QTMAN: variants seen among roughly 807,000 people sequenced by gnomAD.
QTMAN encodes tRNA-queuosine alpha-mannosyltransferase.
At chr2:144,003,522 C>G in the QTMAN span, among the ~76,000 whole-genome samples, 2 of 151,134 alleles carry the variant, frequency 1.3e-5, no homozygotes, top group Non-Finnish European at 2.9e-5. Flanking sequence ...ATGTTTATAA[C>G]AAAACATTAA....
chr2:144,043,227 T>TTGTG, the QTMAN span, among the ~76,000 whole-genome samples: 6,156 of 148,650 alleles, frequency 0.041, 175 homozygotes, highest in East Asian at 0.088. Context: ...ATGTGTGAAT[T>TTGTG]TGTGTGTGTG....
the QTMAN span, among the ~76,000 whole-genome samples, chr2:144,133,434 T>C: frequency 5.4e-5 from 3 of 55,916 alleles, no homozygotes; most frequent in Non-Finnish European, 8.2e-5. Flanking sequence ...ATATAATATA[T>C]AATATATAAT....
the QTMAN span, among the ~76,000 whole-genome samples, chr2:144,203,160 TG>T: frequency 7.2e-6 from 1 of 138,742 alleles, no homozygotes; most frequent in Non-Finnish European, 1.5e-5. Context: ...AGTGTGTGTG[TG>T]TGTGTGTGTG....
the QTMAN span, among the ~76,000 whole-genome samples, chr2:144,040,846 A>G: frequency 6.6e-6 from 1 of 152,206 alleles, no homozygotes; most frequent in East Asian, 1.9e-4. Context: ...CAGAAAATGC[A>G]GGGCATGTCT....
chr2:144,090,923 C>G, the QTMAN span, among the ~76,000 whole-genome samples: 1 of 151,898 alleles, frequency 6.6e-6, no homozygotes, highest in Non-Finnish European at 1.5e-5. Context: ...ATTTGGGGGA[C>G]TCACACTACC....
the QTMAN span, among the ~76,000 whole-genome samples, chr2:144,280,439 C>A: frequency 3.9e-5 from 6 of 152,116 alleles, no homozygotes; most frequent in African/African-American, 1.2e-4. Context: ...ATAGATGCAG[C>A]CTTCCATTAA....
chr2:143,939,364 TTTA>T, the QTMAN span: 1 of 152,180 alleles, frequency 6.6e-6, no homozygotes, highest in African/African-American at 2.4e-5. Context: ...AGAGTTATGA[TTTA>T]TTTTTTTAAA....
At chr2:144,075,990 T>A in the QTMAN span, among the ~76,000 whole-genome samples, 8 of 152,218 alleles carry the variant, frequency 5.3e-5, no homozygotes, top group Non-Finnish European at 1.2e-4. Flanking sequence ...GGCTCACGCC[T>A]GTAATCCCAG....
At chr2:144,088,199 A>G in the QTMAN span, among the ~76,000 whole-genome samples, 4 of 152,150 alleles carry the variant, frequency 2.6e-5, no homozygotes, top group East Asian at 7.7e-4. Flanking sequence ...AATCCCATTT[A>G]TAACTGCTAC....
the QTMAN span, among the ~76,000 whole-genome samples, chr2:143,948,774 A>G: frequency 2.6e-5 from 4 of 152,130 alleles, no homozygotes; most frequent in Admixed American, 1.3e-4. Context: ...TGGGTTAGAA[A>G]GGAAGAACTA....
the QTMAN span, among the ~76,000 whole-genome samples, chr2:144,158,440 C>T: frequency 6.6e-6 from 1 of 151,590 alleles, no homozygotes; most frequent in East Asian, 1.9e-4. Context: ...CTATAATGTG[C>T]CAGAATGTAA....
chr2:144,136,433 A>AGGAAAGGAAG, the QTMAN span, among the ~76,000 whole-genome samples: 1 of 151,168 alleles, frequency 6.6e-6, no homozygotes, highest in African/African-American at 2.4e-5. Context: ...AGGAAAGGAA[A>AGGAAAGGAAG]GGAAAAGAAA....
At chr2:143,951,442 C>T in the QTMAN span, among the ~76,000 whole-genome samples, 6 of 151,520 alleles carry the variant, frequency 4.0e-5, no homozygotes, top group African/African-American at 1.2e-4. Flanking sequence ...AGAGATGAGA[C>T]TGACATTCTT....
chr2:144,183,636 G>A, the QTMAN span, among the ~76,000 whole-genome samples: 1 of 152,064 alleles, frequency 6.6e-6, no homozygotes, highest in African/African-American at 2.4e-5. Flanking sequence ...AATCTATAGG[G>A]CTGAATTTTT....
At chr2:144,055,367 A>ACACACC in the QTMAN span, among the ~76,000 whole-genome samples, 6 of 144,022 alleles carry the variant, frequency 4.2e-5, no homozygotes, top group Middle Eastern at 3.7e-3. Flanking sequence ...ACACACACAC[A>ACACACC]CCCCTCTGAG....
the QTMAN span, chr2:144,177,027 G>A: frequency 1.6e-6 from 1 of 634,156 alleles, no homozygotes; most frequent in South Asian, 1.8e-5. Context: ...AGTGGTGGGA[G>A]GTGCCAGACA....
chr2:143,950,706 C>G, the QTMAN span, among the ~76,000 whole-genome samples: 2 of 151,502 alleles, frequency 1.3e-5, no homozygotes, highest in Admixed American at 1.3e-4. Flanking sequence ...GACAGTCTAT[C>G]ACATGGGAAA....
the QTMAN span, among the ~76,000 whole-genome samples, chr2:143,986,751 C>G: frequency 6.6e-6 from 1 of 152,248 alleles, no homozygotes; most frequent in Non-Finnish European, 1.5e-5. Context: ...AAGATATTAG[C>G]AAAAATTTAC....
chr2:144,270,322 T>G, the QTMAN span, among the ~76,000 whole-genome samples: 1 of 152,182 alleles, frequency 6.6e-6, no homozygotes, highest in African/African-American at 2.4e-5. Flanking sequence ...CCCAATGGAT[T>G]TGAAATCATC....
Sources: gnomAD v4.1 joint callset for allele counts (sites outside exome capture counted in the v4.1 genomes callset) on GRCh38, gnomAD v4.1.1 for gene constraint, MANE v1.5 for transcripts, NCBI Gene and HGNC (gene_info 2026-07-23, HGNC 2026-07-21) for gene names.